TMEM39A: variants seen among roughly 807,000 people sequenced by gnomAD.
TMEM39A encodes transmembrane protein 39A.
In TMEM39A, 19 loss-of-function variants were observed where a neutral mutation model predicts 51.9. That is an observed-to-expected ratio of 0.37 (90% CI 0.26 to 0.54). TMEM39A has a LOEUF of 0.54. TMEM39A is among the 20% of genes least tolerant of loss of function. The pLI, the probability that TMEM39A is intolerant of heterozygous loss-of-function variation, is 0.88. For synonymous variants in TMEM39A, 197 were observed against 220.2 expected (o/e 0.89, Z 0.93); for missense variants, 433 against 590.5 (o/e 0.73, Z 2.76).
intron 5 of TMEM39A, among the ~76,000 whole-genome samples, chr3:119,445,072 C>G (rs2081105603): frequency 6.6e-6 from 1 of 151,556 alleles, no homozygotes; most frequent in Non-Finnish European, 1.5e-5. Context: ...AGAGCAAAAC[C>G]CTGTCTCAAA....
chr3:119,433,351 G>T (rs1015927148), intron 8 of TMEM39A, among the ~76,000 whole-genome samples: 47 of 152,160 alleles, frequency 3.1e-4, no homozygotes, highest in African/African-American at 1.1e-3. Flanking sequence ...ATCATCCAGA[G>T]ATTCTGGTTC....
chr3:119,449,465 T>C (rs987419054), intron 4 of TMEM39A, among the ~76,000 whole-genome samples: 1 of 151,820 alleles, frequency 6.6e-6, no homozygotes, highest in Non-Finnish European at 1.5e-5. Context: ...TCCCAGCTAC[T>C]TGGGAGGCCG....
intron 7 of TMEM39A, chr3:119,436,038 T>C (rs1486980070): frequency 1.2e-5 from 9 of 780,864 alleles, no homozygotes; most frequent in Non-Finnish European, 1.6e-5. Context: ...GAAAAATTTC[T>C]AGATGAAATT....
intron 4 of TMEM39A, among the ~76,000 whole-genome samples, 184 bp from the exon 5 acceptor site, chr3:119,447,356 GCA>G (rs1481917361): frequency 1.1e-4 from 16 of 152,172 alleles, no homozygotes; most frequent in South Asian, 4.2e-4. Context: ...ACTTCTCCAG[GCA>G]CAGTTGTTTC....
At chr3:119,446,454 T>A (rs2107674435) in intron 5 of TMEM39A, among the ~76,000 whole-genome samples, 1 of 152,360 alleles carries the variant, frequency 6.6e-6, no homozygotes, top group Non-Finnish European at 1.5e-5. Context: ...CAAAATGGGA[T>A]GGCGAGAAAT....
intron 3 of TMEM39A, among the ~76,000 whole-genome samples, chr3:119,455,191 A>G (rs183468707): frequency 4.6e-5 from 7 of 152,342 alleles, no homozygotes; most frequent in Admixed American, 2.0e-4. Flanking sequence ...AGTCCTTGCT[A>G]GAGCCTCCTG....
At chr3:119,462,294 T>G (rs1483345422) in intron 1 of TMEM39A, 146 bp from the exon 2 acceptor site, 2 of 493,578 alleles carry the variant, frequency 4.1e-6, no homozygotes, top group African/African-American at 1.9e-5. Context: ...TTATTCGAAT[T>G]AAAGGACTAC....
intron 4 of TMEM39A, among the ~76,000 whole-genome samples, chr3:119,452,242 G>A (rs1474048469): frequency 6.6e-6 from 1 of 152,140 alleles, no homozygotes; most frequent in African/African-American, 2.4e-5. Context: ...CCGACCCTAC[G>A]AATGAATTTT....
intron 8 of TMEM39A, among the ~76,000 whole-genome samples, chr3:119,433,986 T>C (rs573999518): frequency 6.6e-6 from 1 of 152,218 alleles, no homozygotes; most frequent in Non-Finnish European, 1.5e-5. Context: ...GAGAAAGAGA[T>C]GCAAGTATCT....
rs529285004 is a variant in TMEM39A, at chr3:119,460,895, A to G, written c.113+1067T>C. On this transcript the variant is annotated intron_variant, in intron 2 of 8. Transcript: ENST00000319172. ...GCAAACAACTTTTATCTCAATACCTATATTAGATAGTACCTTTCTTCAAAA... is the reference window on the plus strand; with the variant it reads ...GCAAACAACTTTTATCTCAATACCTGTATTAGATAGTACCTTTCTTCAAAA... 8.5e-5 allele frequency among the ~76,000 whole-genome samples: 13 copies of G among 152,324 alleles called. No individual in the cohort carries two copies. The East Asian group carries it at 2.1e-3, about 25-fold the overall frequency.
chr3:119,450,348 A>C (rs1479063472), intron 4 of TMEM39A, among the ~76,000 whole-genome samples: 1 of 152,080 alleles, frequency 6.6e-6, no homozygotes, highest in Admixed American at 6.6e-5. Flanking sequence ...TTTTCATTTA[A>C]CATCTTGGAG....
chr3:119,436,691 A>T, intron 7 of TMEM39A, 100 bp downstream of exon 7: 1 of 1,298,984 alleles, frequency 7.7e-7, no homozygotes, highest in Non-Finnish European at 1.1e-6. Context: ...ACTAAAAATT[A>T]AATGTTCAAA....
intron 2 of TMEM39A, among the ~76,000 whole-genome samples, chr3:119,459,735 T>A (rs1359723019): frequency 6.6e-6 from 1 of 152,154 alleles, no homozygotes; most frequent in African/African-American, 2.4e-5. Context: ...ACTTCACCAA[T>A]CAGACCACAA....
In TMEM39A at chr3:119,435,451, C is replaced by T. The variant is rs1003628676; in HGVS notation, c.1113-569G>A. On this transcript the variant is annotated intron_variant, in intron 7 of 8. Transcript: ENST00000319172. ...ATCTCACACACACACACAGACTTTTCACTGCTTTCATGGTTTATTTTTATA... is the reference window on the plus strand; with the variant it reads ...ATCTCACACACACACACAGACTTTTTACTGCTTTCATGGTTTATTTTTATA... 6.4e-5 allele frequency: 63 copies of T among 980,722 alleles called. No homozygotes were observed. In the African/African-American group the frequency reaches 1.0e-3, roughly 16 times the overall value. The allele number at this position is 980,722 out of a possible 1,614,324, so 60.8% of individuals were successfully genotyped here. A position where few individuals can be genotyped will look rare whatever the true frequency, so the allele number is the denominator to read the frequency against.
At chr3:119,436,999 G>C (rs1276746583) in intron 6 of TMEM39A, 21 bp from the exon 7 acceptor site, 1 of 1,600,834 alleles carries the variant, frequency 6.2e-7, no homozygotes, top group Non-Finnish European at 8.5e-7. Context: ...TCAGAAGAGA[G>C]AGAAATGATC....
At chr3:119,433,554 A>C (rs905815603) in intron 8 of TMEM39A, among the ~76,000 whole-genome samples, 3 of 152,286 alleles carry the variant, frequency 2.0e-5, no homozygotes, top group Admixed American at 2.0e-4. Context: ...GTCCAAAGCT[A>C]GCAAGGAAAC....
chr3:119,456,627 CCTAT>C (rs1446146699), intron 3 of TMEM39A, among the ~76,000 whole-genome samples: 3 of 152,176 alleles, frequency 2.0e-5, no homozygotes, highest in African/African-American at 4.8e-5. Context: ...TTGCCAACAA[CCTAT>C]CTGTCAAGTC....
intron 3 of TMEM39A, among the ~76,000 whole-genome samples, chr3:119,457,461 G>C (rs1464505299): frequency 2.0e-5 from 3 of 152,186 alleles, no homozygotes; most frequent in Non-Finnish European, 1.5e-5. Context: ...GTGTGGAAAT[G>C]ATGTAAGCCT....
At chr3:119,434,734 T>A (rs1173819527) in intron 8 of TMEM39A, 28 bp downstream of exon 8, 1 of 1,612,188 alleles carries the variant, frequency 6.2e-7, no homozygotes, top group Non-Finnish European at 8.5e-7. Flanking sequence ...CCTAAGCTTA[T>A]GTTTGAAAAT....
Sources: allele counts gnomAD v4.1 joint callset (sites outside exome capture counted in the v4.1 genomes callset), GRCh38; gene constraint gnomAD v4.1.1; transcripts MANE v1.5; gene names NCBI Gene and HGNC (gene_info 2026-07-23, HGNC 2026-07-21).